Variants in PLCE1 observed in about 807,000 individuals in gnomAD.
PLCE1 encodes the protein 1-phosphatidylinositol 4,5-bisphosphate phosphodiesterase epsilon-1.
In PLCE1, 119 loss-of-function variants were observed where a neutral mutation model predicts 242.8. That is an observed-to-expected ratio of 0.49 (90% CI 0.42 to 0.57). The LOEUF (loss-of-function observed/expected upper bound fraction) is 0.57, where lower values mean the gene tolerates loss of function less well. Among genes scored for constraint, PLCE1 ranks in the 20% least tolerant of loss-of-function variants. The pLI is 0.00. For synonymous variants in PLCE1, 945 were observed against 1,017.4 expected (o/e 0.93, Z 1.35); for missense variants, 2,441 against 2,788.8 (o/e 0.88, Z 2.81).
At chr10:94,106,219 G>A (rs918534391) in intron 2 of PLCE1, 2 of 152,152 alleles carry the variant, frequency 1.3e-5, no homozygotes, top group African/African-American at 2.4e-5. Flanking sequence ...TAGATAATAT[G>A]TATTCTTCCA....
chr10:94,215,004 C>T (rs2049471198), intron 4 of PLCE1, among the ~76,000 whole-genome samples: 1 of 152,270 alleles, frequency 6.6e-6, no homozygotes, highest in Middle Eastern at 3.4e-3. Flanking sequence ...AGATGAGAAA[C>T]CCACCACACT....
intron 1 of PLCE1, among the ~76,000 whole-genome samples, chr10:94,023,254 A>C (rs2061404644): frequency 6.6e-6 from 1 of 152,158 alleles, no homozygotes; most frequent in Non-Finnish European, 1.5e-5. Flanking sequence ...ATTGCACAAA[A>C]TCCAATGTGA....
At chr10:94,188,048 G>T (rs745960920) in intron 4 of PLCE1, among the ~76,000 whole-genome samples, 1 of 151,938 alleles carries the variant, frequency 6.6e-6, no homozygotes, top group Admixed American at 6.6e-5. Context: ...TGAGGTCCCA[G>T]TTCCCTTAAA....
intron 7 of PLCE1, among the ~76,000 whole-genome samples, chr10:94,240,630 C>A (rs1031218492): frequency 5.3e-5 from 8 of 152,014 alleles, no homozygotes; most frequent in Non-Finnish European, 2.9e-5. Flanking sequence ...GTTAAATTGG[C>A]AGGAAGCAAA....
At chr10:94,327,070 G>A (rs775945153) in intron 32 of PLCE1, among the ~76,000 whole-genome samples, 2 of 152,186 alleles carry the variant, frequency 1.3e-5, no homozygotes, top group African/African-American at 2.4e-5. Flanking sequence ...GCTGAGGCAG[G>A]AGAATCGCTT....
chr10:94,226,831 C>CTCT (rs67656949), intron 4 of PLCE1, among the ~76,000 whole-genome samples: 3,648 of 101,756 alleles, frequency 0.036, 426 homozygotes, highest in African/African-American at 0.12. Context: ...ACCTATAGGT[C>CTCT]TTTTTTTTTT....
chr10:94,125,987 C>T (rs371751672), intron 2 of PLCE1, among the ~76,000 whole-genome samples: 83 of 152,246 alleles, frequency 5.5e-4, no homozygotes, highest in African/African-American at 1.8e-3. Flanking sequence ...ATCTGAATTA[C>T]CCCAGCTCTT....
intron 24 of PLCE1, among the ~76,000 whole-genome samples, chr10:94,300,988 T>TG (rs541611621): frequency 8.7e-4 from 132 of 151,534 alleles, no homozygotes; most frequent in Middle Eastern, 3.4e-3. Flanking sequence ...GAGGTTGCAG[T>TG]GTATCAAGAT....
At chr10:94,106,654 T>C (rs2045745795) in intron 2 of PLCE1, among the ~76,000 whole-genome samples, 1 of 152,150 alleles carries the variant, frequency 6.6e-6, no homozygotes, top group African/African-American at 2.4e-5. Context: ...AAATAGTGTC[T>C]TGCAGTTTGC....
In PLCE1 at chr10:94,186,854, G is replaced by A. The variant is rs150451712; in HGVS notation, c.1809+15358G>A. On this transcript the variant is annotated intron_variant, in intron 4 of 32. Coordinates refer to ENST00000371380, the MANE Select transcript of PLCE1 (RefSeq NM_016341.4). The stretch of plus-strand genomic sequence containing the variant: ...AGGACATCTAATTTCTCTCGCATTC[G>A]TTGATATGATGATAATGATGGAGAG... Among the ~76,000 whole-genome samples the A allele has an allele frequency of 2.7e-3, 404 of 152,284 alleles. 3 individuals are homozygous for A. The highest frequency in any genetic ancestry group is 4.6e-3 in the Admixed American group (71 of 15,300).
At chr10:94,163,240 A>G (rs143190889) in intron 3 of PLCE1, among the ~76,000 whole-genome samples, 173 of 152,266 alleles carry the variant, frequency 1.1e-3, no homozygotes, top group African/African-American at 4.0e-3. Context: ...CGATCTGTCT[A>G]ATGTTGACAG....
At chr10:94,152,698 A>T (rs1400649227) in intron 3 of PLCE1, among the ~76,000 whole-genome samples, 2 of 152,116 alleles carry the variant, frequency 1.3e-5, no homozygotes, top group Non-Finnish European at 2.9e-5. Context: ...CCTAAATAAA[A>T]TTTTTCAAGT....
chr10:94,234,451 A>G, intron 6 of PLCE1, 139 bp downstream of exon 6: 1 of 943,088 alleles, frequency 1.1e-6, no homozygotes, highest in South Asian at 1.4e-5. Flanking sequence ...TGGGTAGCAC[A>G]TAGATCCTTG....
intron 7 of PLCE1, among the ~76,000 whole-genome samples, chr10:94,241,233 C>T (rs1466584665): frequency 6.6e-6 from 1 of 152,180 alleles, no homozygotes; most frequent in East Asian, 1.9e-4. Flanking sequence ...GCAGCAGAAA[C>T]AGGCTCCAGA....
chr10:94,266,043 A>G (rs2051502875), intron 16 of PLCE1, 85 bp downstream of exon 16: 2 of 1,288,438 alleles, frequency 1.6e-6, no homozygotes, highest in South Asian at 1.2e-5. Flanking sequence ...CTGACCCCAG[A>G]CTCCTTTGAA....
At chr10:94,201,218 C>A (rs1344971817) in intron 4 of PLCE1, among the ~76,000 whole-genome samples, 1 of 152,144 alleles carries the variant, frequency 6.6e-6, no homozygotes, top group Non-Finnish European at 1.5e-5. Context: ...TTCTATAAAT[C>A]TAAAAATATT....
At position 94,284,019 on chromosome 10, in the gene PLCE1, C is replaced by T. The variant is rs368958590; in HGVS notation, c.4917+108C>T. 5.2e-6 allele frequency: 7 copies of T among 1,337,842 alleles called. No homozygotes were observed. In the African/African-American group the frequency reaches 1.0e-4, roughly 19 times the overall value. The allele number at this position is 1,337,842 out of a possible 1,614,324, so 82.9% of individuals were successfully genotyped here. On this transcript the variant is annotated intron_variant, in intron 21 of 32. Coordinates refer to ENST00000371380, the MANE Select transcript of PLCE1 (RefSeq NM_016341.4). ...TCCCTCCCTTTCACCTTTCCCCTCA[C>T]TTTCCCTTAGATACCTGCCAAAGTT...
At chr10:94,078,634 C>T (rs1455125113) in intron 2 of PLCE1, among the ~76,000 whole-genome samples, 1 of 152,090 alleles carries the variant, frequency 6.6e-6, no homozygotes, top group Non-Finnish European at 1.5e-5. Context: ...GACAGGCACC[C>T]ACCACCATGC....
chr10:94,285,287 T>A (rs1038945601), intron 22 of PLCE1, among the ~76,000 whole-genome samples: 1 of 152,166 alleles, frequency 6.6e-6, no homozygotes, highest in Non-Finnish European at 1.5e-5. Flanking sequence ...TTTACGTACA[T>A]CTCCTTTACC....
Sources: gnomAD v4.1 joint callset for allele counts (sites outside exome capture counted in the v4.1 genomes callset) on GRCh38, gnomAD v4.1.1 for gene constraint, MANE v1.5 for transcripts, NCBI Gene and HGNC (gene_info 2026-07-23, HGNC 2026-07-21) for gene names.